DOCK7: variants seen among roughly 807,000 people sequenced by gnomAD.
DOCK7 encodes dedicator of cytokinesis protein 7.
Under a neutral mutation model 271.0 loss-of-function variants are expected in DOCK7, and 138 were observed. The observed-to-expected ratio is 0.51, with a 90% CI of 0.44 to 0.59. The LOEUF is 0.59. Ranked by LOEUF, DOCK7 falls within the 20% of genes least tolerant of loss-of-function variation. The pLI is 0.00. For synonymous variants in DOCK7, 823 were observed against 876.1 expected (o/e 0.94, Z 1.07); for missense variants, 2,066 against 2,592.4 (o/e 0.80, Z 4.41).
At chr1:62,657,254 A>T (rs1658130424) in intron 2 of DOCK7, among the ~76,000 whole-genome samples, 1 of 152,150 alleles carries the variant, frequency 6.6e-6, no homozygotes, top group Non-Finnish European at 1.5e-5. Flanking sequence ...CCAGCTAAAT[A>T]GTGTGGGCTG....
intron 18 of DOCK7, among the ~76,000 whole-genome samples, 170 bp downstream of exon 18, chr1:62,577,092 G>A (rs1020316783): frequency 6.6e-6 from 1 of 152,084 alleles, no homozygotes; most frequent in Admixed American, 6.6e-5. Flanking sequence ...CAGGATAAAA[G>A]CTTTTAAGTT....
At chr1:62,497,977 A>G (rs929425645) in intron 37 of DOCK7, among the ~76,000 whole-genome samples, 31 of 151,948 alleles carry the variant, frequency 2.0e-4, no homozygotes, top group East Asian at 7.7e-4. Context: ...TAAAAAAAAA[A>G]GGGGGCTGGG....
At chr1:62,661,588 T>A (rs1337467413) in intron 2 of DOCK7, among the ~76,000 whole-genome samples, 1 of 152,126 alleles carries the variant, frequency 6.6e-6, no homozygotes, top group African/African-American at 2.4e-5. Context: ...GCTCAGAATT[T>A]AAAATGTCAC....
chr1:62,509,536 T>C (rs975787943), intron 34 of DOCK7, among the ~76,000 whole-genome samples: 1 of 152,056 alleles, frequency 6.6e-6, no homozygotes, highest in Non-Finnish European at 1.5e-5. Flanking sequence ...ATACTGATAG[T>C]ACAGTACCTG....
chr1:62,626,615 C>T (rs956955581), intron 11 of DOCK7, among the ~76,000 whole-genome samples: 3 of 151,796 alleles, frequency 2.0e-5, no homozygotes, highest in Admixed American at 2.0e-4. Context: ...TGTAGGCCAA[C>T]ACTTAGATTA....
intron 1 of DOCK7, among the ~76,000 whole-genome samples, chr1:62,676,065 C>G (rs1439240589): frequency 6.6e-6 from 1 of 152,110 alleles, no homozygotes; most frequent in African/African-American, 2.4e-5. Flanking sequence ...GAATTGAAAA[C>G]AAGCCTTCAA....
At chr1:62,621,845 T>C (rs1377166210) in intron 12 of DOCK7, among the ~76,000 whole-genome samples, 1 of 152,334 alleles carries the variant, frequency 6.6e-6, no homozygotes, top group Non-Finnish European at 1.5e-5. Flanking sequence ...ACACATGAAA[T>C]TAATTTTTAA....
Position 62,633,585 on chromosome 1 carries a change from A to G in DOCK7, c.1036-7T>C. On this transcript the variant is annotated splice_region_variant and splice_polypyrimidine_tract_variant and intron_variant, in intron 9 of 49. Transcript: ENST00000635253. ...GCTGTAGGACTTTTTCTAGCTGTCA[A>G]AGGCAAAAAAAGTTAAGATTAAGCT... 6.2e-7 allele frequency: 1 copy of G among 1,605,508 alleles called. No homozygotes were observed. Among genetic ancestry groups the G allele is most frequent in the Non-Finnish European group, 8.5e-7 (1 of 1,173,694 alleles).
At chr1:62,642,379 T>C (rs1019481961) in intron 7 of DOCK7, among the ~76,000 whole-genome samples, 5 of 152,034 alleles carry the variant, frequency 3.3e-5, no homozygotes, top group South Asian at 2.1e-4. Context: ...GCTGGGATTA[T>C]AGGCGTGAGC....
At position 62,591,992 on chromosome 1, in the gene DOCK7, TTTAG is replaced by T. The variant is rs1488960058; in HGVS notation, c.1683-5372_1683-5369del. On this transcript the variant is annotated intron_variant, in intron 14 of 49. Coordinates refer to ENST00000635253, the MANE Select transcript of DOCK7 (RefSeq NM_001367561.1). Reference sequence around the variant, plus strand: ...GAATAGTACAGACAGCATTAGAAAATTTAGTTACTTAACACTTCTAGGAGTTTAG... The same window carrying T: ...GAATAGTACAGACAGCATTAGAAAATTTACTTAACACTTCTAGGAGTTTAG... 4.6e-5 allele frequency among the ~76,000 whole-genome samples: 7 copies of T among 152,228 alleles called. No homozygotes were observed. In the East Asian group the frequency reaches 1.4e-3, roughly 29 times the overall value.
chr1:62,622,181 A>T (rs1422620833), intron 12 of DOCK7, among the ~76,000 whole-genome samples: 1 of 152,216 alleles, frequency 6.6e-6, no homozygotes, highest in Admixed American at 6.5e-5. Context: ...GAGACATGTC[A>T]CAGAGCTGAG....
intron 25 of DOCK7, among the ~76,000 whole-genome samples, chr1:62,541,540 C>T (rs993627376): frequency 6.6e-6 from 1 of 152,156 alleles, no homozygotes; most frequent in Admixed American, 6.5e-5. Context: ...TATGATGATC[C>T]ACTTCCAATT....
At chr1:62,644,540 T>C (rs181387951) in intron 7 of DOCK7, among the ~76,000 whole-genome samples, 6 of 152,304 alleles carry the variant, frequency 3.9e-5, no homozygotes, top group Admixed American at 3.3e-4. Context: ...TCCTGGGAAA[T>C]TATGATTTCT....
At chr1:62,682,440 G>A (rs1010508395) in intron 1 of DOCK7, among the ~76,000 whole-genome samples, 2 of 152,200 alleles carry the variant, frequency 1.3e-5, no homozygotes, top group Non-Finnish European at 2.9e-5. Flanking sequence ...CATGGGATCT[G>A]TGTGAAGCAC....
chr1:62,670,126 C>A (rs1390822062), intron 1 of DOCK7, among the ~76,000 whole-genome samples: 1 of 152,218 alleles, frequency 6.6e-6, no homozygotes, highest in Non-Finnish European at 1.5e-5. Flanking sequence ...TGCCTTCCCA[C>A]GGGGCAGGGC....
intron 10 of DOCK7, among the ~76,000 whole-genome samples, chr1:62,631,809 T>C (rs761155608): frequency 6.6e-6 from 1 of 152,280 alleles, no homozygotes; most frequent in African/African-American, 2.4e-5. Context: ...CTGAGCACAT[T>C]TGAAATAGTC....
chr1:62,599,739 G>A (rs1649829965), intron 14 of DOCK7, among the ~76,000 whole-genome samples: 2 of 151,854 alleles, frequency 1.3e-5, no homozygotes, highest in South Asian at 4.2e-4. Context: ...ATTATTACTT[G>A]GATTACTAGA....
At chr1:62,532,271 G>C (rs556926310) in intron 29 of DOCK7, among the ~76,000 whole-genome samples, 2 of 152,222 alleles carry the variant, frequency 1.3e-5, no homozygotes, top group African/African-American at 4.8e-5. Flanking sequence ...CTGACCTCAA[G>C]TGATCCACCC....
At position 62,583,242 on chromosome 1, in the gene DOCK7, T is replaced by TAC; in HGVS notation, c.1811_1812dup (p.Lys605ValfsTer16). 1 of 1,613,040 alleles carries TAC rather than the reference T, an allele frequency of 6.2e-7. No homozygotes were observed. The highest frequency in any genetic ancestry group is 8.5e-7 in the Non-Finnish European group (1 of 1,179,336). On this transcript the variant is annotated frameshift_variant, in exon 16 of 50. Coordinates refer to ENST00000635253, the MANE Select transcript of DOCK7 (RefSeq NM_001367561.1). LOFTEE classifies it high-confidence loss of function. Reference sequence around the variant, plus strand: ...TTTGAAAATTCTGAACAGCTAGATTTACCAAAGATTACCTGAAACAAATAA... The same window carrying TAC: ...TTTGAAAATTCTGAACAGCTAGATTTACACCAAAGATTACCTGAAACAAATAA...
Sources: allele counts gnomAD v4.1 joint callset (sites outside exome capture counted in the v4.1 genomes callset), GRCh38; gene constraint gnomAD v4.1.1; transcripts MANE v1.5; gene names NCBI Gene and HGNC (gene_info 2026-07-23, HGNC 2026-07-21).